The following CCDC170 variants were observed in gnomAD, a reference collection of about 807,000 sequenced individuals.
The protein encoded by CCDC170 is coiled-coil domain-containing protein 170.
In CCDC170, 69 loss-of-function variants were observed where a neutral mutation model predicts 72.6. The observed-to-expected ratio is 0.95, with a 90% CI of 0.78 to 1.16. The LOEUF (loss-of-function observed/expected upper bound fraction) is 1.16, where lower values mean the gene tolerates loss of function less well. Ranked by LOEUF, CCDC170 falls within the 50% of genes most tolerant of loss-of-function variation. The pLI is 0.00. For synonymous variants in CCDC170, 300 were observed against 303.9 expected (o/e 0.99, Z 0.13); for missense variants, 852 against 832.5 (o/e 1.02, Z -0.29).
intron 3 of CCDC170, among the ~76,000 whole-genome samples, chr6:151,544,100 C>T (rs568833845): frequency 6.6e-6 from 1 of 152,120 alleles, no homozygotes; most frequent in Non-Finnish European, 1.5e-5. Flanking sequence ...TATAGTTATG[C>T]CTGGCCATGA....
chr6:151,559,666 C>T (rs1783044655), intron 5 of CCDC170, among the ~76,000 whole-genome samples: 1 of 152,142 alleles, frequency 6.6e-6, no homozygotes, highest in Non-Finnish European at 1.5e-5. Context: ...ATTTAACTTT[C>T]TCTTTTCCAA....
At chr6:151,539,581 C>T (rs189166835) in intron 3 of CCDC170, among the ~76,000 whole-genome samples, 13 of 152,230 alleles carry the variant, frequency 8.5e-5, no homozygotes, top group African/African-American at 3.1e-4. Context: ...AGGGATCAGC[C>T]CCTGAATCTC....
chr6:151,522,846 G>T (rs900871246), intron 1 of CCDC170, among the ~76,000 whole-genome samples: 15 of 152,182 alleles, frequency 9.9e-5, no homozygotes, highest in Non-Finnish European at 2.2e-4. Flanking sequence ...CACCTAAGGT[G>T]TGCGCATTTC....
intron 1 of CCDC170, among the ~76,000 whole-genome samples, chr6:151,521,709 C>T (rs936065850): frequency 2.0e-5 from 3 of 152,116 alleles, no homozygotes; most frequent in African/African-American, 4.8e-5. Context: ...TCGGGCCAGG[C>T]GTGGTGGCTC....
At chr6:151,562,664 T>C (rs1457539021) in intron 5 of CCDC170, among the ~76,000 whole-genome samples, 2 of 152,186 alleles carry the variant, frequency 1.3e-5, no homozygotes, top group Non-Finnish European at 2.9e-5. Context: ...GGGGCACTTA[T>C]TTTGTGGAAT....
At chr6:151,607,846 C>A (rs1776809826) in intron 9 of CCDC170, among the ~76,000 whole-genome samples, 1 of 152,132 alleles carries the variant, frequency 6.6e-6, no homozygotes, top group Non-Finnish European at 1.5e-5. Context: ...GTTTGGGGAT[C>A]TTTGAGCTTC....
intron 1 of CCDC170, among the ~76,000 whole-genome samples, chr6:151,527,050 ATTTTTTT>A (rs56941290): frequency 3.2e-4 from 22 of 69,682 alleles, no homozygotes; most frequent in African/African-American, 7.9e-4. Flanking sequence ...ATGCTTAGCT[ATTTTTTT>A]TTTTTTTTTT....
chr6:151,497,564 T>G (rs755887018), intron 1 of CCDC170, among the ~76,000 whole-genome samples: 2 of 152,120 alleles, frequency 1.3e-5, no homozygotes, highest in African/African-American at 2.4e-5. Context: ...AGCAATATTA[T>G]GAGAATTGAA....
rs375266206 is a variant in CCDC170 at position 151,573,202 on chromosome 6, A to C, written c.803A>C (p.Glu268Ala). 2.5e-6 allele frequency: 4 copies of C among 1,613,672 alleles called. No individual in the cohort carries two copies. The African/African-American group carries it at 5.3e-5, about 22-fold the overall frequency. The part of the protein sequence containing the change: ...QDLLSAVEAK[E>A]ALEREVKIFQ... ...CTGCTCAGTGCTGTAGAAGCAAAAG[A>C]AGCTCTTGAAAGGGAAGTTAAGATC... Residue 268 changes from glutamate to alanine, a missense_variant, in exon 6 of 11, where the codon GAA becomes GCA. Coordinates refer to ENST00000239374, the MANE Select transcript of CCDC170 (RefSeq NM_025059.4).
chr6:151,557,281 C>G (rs921429107), intron 5 of CCDC170, among the ~76,000 whole-genome samples: 1 of 151,860 alleles, frequency 6.6e-6, no homozygotes, highest in Middle Eastern at 3.4e-3. Flanking sequence ...TGGTGGTGCA[C>G]GCCTGTAGTC....
Position 151,619,225 on chromosome 6 carries a change from C to T in CCDC170, c.*1078C>T, listed in dbSNP as rs543051903. 5 of 152,012 alleles carry T rather than the reference C, an allele frequency of 3.3e-5. No homozygotes were observed. Among genetic ancestry groups the T allele is most frequent in the Admixed American group, 6.6e-5 (1 of 15,252 alleles). 9.4% of individuals were successfully genotyped at this position (152,012 alleles called of 1,614,324 possible). A position where few individuals can be genotyped will look rare whatever the true frequency, so the allele number is the denominator to read the frequency against. The stretch of plus-strand genomic sequence containing the variant: ...TGTTTCAGCAGGGCTGGTCTCAGTC[C>T]TTTAAAATGGAAAGCTTTATTTGGA... On this transcript the variant is annotated 3_prime_UTR_variant, in exon 11 of 11. Coordinates refer to ENST00000239374, the MANE Select transcript of CCDC170 (RefSeq NM_025059.4).
chr6:151,619,244 A>C lies in CCDC170; in HGVS notation c.*1097A>C, dbSNP rs1777021843. On this transcript the variant is annotated 3_prime_UTR_variant, in exon 11 of 11. Coordinates refer to ENST00000239374, the MANE Select transcript of CCDC170 (RefSeq NM_025059.4). ...TCAGTCCTTTAAAATGGAAAGCTTT[A>C]TTTGGAGCCCAACCCTATAAGATGA... 6.6e-6 allele frequency: 1 copy of C among 152,106 alleles called. No individual in the cohort carries two copies. Among genetic ancestry groups the C allele is most frequent in the Non-Finnish European group, 1.5e-5 (1 of 68,006 alleles). 9.4% of individuals were successfully genotyped at this position (152,106 alleles called of 1,614,324 possible). A position where few individuals can be genotyped will look rare whatever the true frequency, so the allele number is the denominator to read the frequency against.
chr6:151,591,250 A>G (rs765212526), intron 7 of CCDC170, among the ~76,000 whole-genome samples: 5 of 152,224 alleles, frequency 3.3e-5, no homozygotes, highest in Non-Finnish European at 5.9e-5. Flanking sequence ...CAATCAGAAG[A>G]AAATATCAAA....
At chr6:151,497,968 A>C (rs980998586) in intron 1 of CCDC170, among the ~76,000 whole-genome samples, 1 of 151,620 alleles carries the variant, frequency 6.6e-6, no homozygotes. Context: ...AAAAAAAAAA[A>C]AAAAAAAGAA....
intron 6 of CCDC170, among the ~76,000 whole-genome samples, chr6:151,584,946 T>C (rs750570943): frequency 5.3e-5 from 8 of 152,260 alleles, no homozygotes; most frequent in East Asian, 1.9e-4. Context: ...TGTACTGTTA[T>C]GTAAATACTA....
At chr6:151,508,030 T>C (rs1313768783) in intron 1 of CCDC170, among the ~76,000 whole-genome samples, 4 of 152,206 alleles carry the variant, frequency 2.6e-5, no homozygotes, top group Admixed American at 2.0e-4. Context: ...TTTGCTCCTC[T>C]TCCTATAGGT....
chr6:151,546,401 C>T (rs193216577), intron 4 of CCDC170, among the ~76,000 whole-genome samples: 189 of 152,260 alleles, frequency 1.2e-3, no homozygotes, highest in Non-Finnish European at 2.3e-3. Flanking sequence ...TTTTCTCTAT[C>T]GGACACAATC....
chr6:151,566,489 A>G (rs1009043426), intron 5 of CCDC170, among the ~76,000 whole-genome samples: 2 of 152,168 alleles, frequency 1.3e-5, no homozygotes, highest in Non-Finnish European at 2.9e-5. Flanking sequence ...TTAATAGAAA[A>G]AAATTATTTA....
intron 6 of CCDC170, among the ~76,000 whole-genome samples, chr6:151,582,444 A>G (rs986264511): frequency 6.6e-6 from 1 of 152,096 alleles, no homozygotes; most frequent in African/African-American, 2.4e-5. Context: ...CTTGCTTTGG[A>G]TTAGGCTTTG....
Sources: gnomAD v4.1 joint callset for allele counts (sites outside exome capture counted in the v4.1 genomes callset) on GRCh38, gnomAD v4.1.1 for gene constraint, MANE v1.5 for transcripts, NCBI Gene and HGNC (gene_info 2026-07-23, HGNC 2026-07-21) for gene names.